The following APBB2 variants were observed in gnomAD, a reference collection of about 807,000 sequenced individuals.
The protein encoded by APBB2 is amyloid beta precursor protein binding family B member 2.
A neutral mutation model predicts 82.5 loss-of-function variants in APBB2; 38 were observed. The observed-to-expected ratio is 0.46, with a 90% CI of 0.36 to 0.60. APBB2 has a LOEUF of 0.60. Ranked by LOEUF, APBB2 falls within the 20% of genes least tolerant of loss-of-function variation. The probability of loss-of-function intolerance (pLI) is 0.00; values close to 1 mark genes in which losing one functional copy is unlikely to be tolerated. For missense variants in APBB2, 772 were observed against 972.3 expected (o/e 0.79, Z 2.74); for synonymous variants, 341 against 368.2 (o/e 0.93, Z 0.85).
intron 2 of APBB2, among the ~76,000 whole-genome samples, chr4:41,139,475 T>C (rs1373805175): frequency 6.6e-6 from 1 of 152,182 alleles, no homozygotes; most frequent in Non-Finnish European, 1.5e-5. Context: ...CAAATTAATG[T>C]TTCCAGCAGT....
chr4:41,197,735 C>T, intron 1 of APBB2, among the ~76,000 whole-genome samples: 2 of 152,160 alleles, frequency 1.3e-5, no homozygotes, highest in African/African-American at 2.4e-5. Flanking sequence ...TTTCCTGATA[C>T]TCCTAGGAGA....
chr4:41,150,880 C>T (rs1762100004), intron 1 of APBB2, among the ~76,000 whole-genome samples: 1 of 152,126 alleles, frequency 6.6e-6, no homozygotes, highest in Non-Finnish European at 1.5e-5. Flanking sequence ...AGCTGGGATA[C>T]AGACAACCAC....
intron 4 of APBB2, among the ~76,000 whole-genome samples, chr4:41,060,280 A>G (rs1033713615): frequency 1.3e-5 from 2 of 152,370 alleles, no homozygotes; most frequent in African/African-American, 4.8e-5. Context: ...ACTAAAGCTA[A>G]AGAGAACCAT....
chr4:40,965,373 A>G (rs1794428275), intron 6 of APBB2, among the ~76,000 whole-genome samples: 1 of 152,172 alleles, frequency 6.6e-6, no homozygotes, highest in African/African-American at 2.4e-5. Flanking sequence ...GTCACCAAAG[A>G]TACAGACATT....
At chr4:41,189,686 A>G (rs144266333) in intron 1 of APBB2, among the ~76,000 whole-genome samples, 1 of 152,348 alleles carries the variant, frequency 6.6e-6, no homozygotes, top group Non-Finnish European at 1.5e-5. Context: ...CTCCTGAGGA[A>G]GTCATTAGCT....
intron 1 of APBB2, among the ~76,000 whole-genome samples, chr4:41,172,788 C>T (rs1206141677): frequency 1.3e-5 from 2 of 152,196 alleles, no homozygotes; most frequent in Non-Finnish European, 2.9e-5. Context: ...TTTTTCTTTC[C>T]ACCTGATGGA....
At chr4:41,129,097 A>G (rs944400958) in intron 2 of APBB2, among the ~76,000 whole-genome samples, 2 of 151,610 alleles carry the variant, frequency 1.3e-5, no homozygotes, top group African/African-American at 2.4e-5. Context: ...TCCCACCACA[A>G]TCCTGGCCAT....
chr4:41,180,432 T>C (rs116569731), intron 1 of APBB2, among the ~76,000 whole-genome samples: 6,387 of 152,192 alleles, frequency 0.042, 149 homozygotes, highest in Middle Eastern at 0.058. Context: ...TAGCTAGACC[T>C]TGTTTCTGCA....
intron 6 of APBB2, among the ~76,000 whole-genome samples, chr4:40,990,701 G>C (rs902001189): frequency 2.6e-5 from 4 of 152,196 alleles, no homozygotes; most frequent in African/African-American, 9.6e-5. Context: ...CTGAGTCCAA[G>C]TGTGTCCATA....
At chr4:41,013,511 A>G (rs1319655636) in intron 6 of APBB2, 72 bp downstream of exon 6, 6 of 1,426,362 alleles carry the variant, frequency 4.2e-6, no homozygotes, top group Non-Finnish European at 5.8e-6. Context: ...GTCAGTCTAG[A>G]GATTTACTCC....
At position 40,825,975 on chromosome 4, in the gene APBB2, A is replaced by G. The variant is rs749086690; in HGVS notation, c.1733-5T>C. 6.2e-7 allele frequency: 1 copy of G among 1,611,838 alleles called. No individual in the cohort carries two copies. Among genetic ancestry groups the G allele is most frequent in the Non-Finnish European group, 8.5e-7 (1 of 1,177,924 alleles). ...TCTTTGGTGTTGGAAAATCTACTAC[A>G]GGGAACAAAAGCAACACATCTTTCT... is the stretch of plus-strand genomic sequence containing the variant. On this transcript the variant is annotated splice_region_variant and splice_polypyrimidine_tract_variant and intron_variant, in intron 14 of 17. Transcript: ENST00000508593.
chr4:40,951,912 A>C (rs1334845071), intron 6 of APBB2, among the ~76,000 whole-genome samples: 1 of 152,118 alleles, frequency 6.6e-6, no homozygotes, highest in Non-Finnish European at 1.5e-5. Flanking sequence ...TCATGGTTCA[A>C]AGCAAAAAGA....
chr4:40,915,437 C>T (rs572706752), intron 10 of APBB2, among the ~76,000 whole-genome samples: 14 of 152,174 alleles, frequency 9.2e-5, no homozygotes, highest in Admixed American at 2.6e-4. Context: ...AGCCCCGGAG[C>T]GCAGAGCCTG....
In APBB2 at chr4:41,072,292, CA is replaced by C. The variant is rs1201815288; in HGVS notation, c.-148-6620del. 3.3e-5 allele frequency among the ~76,000 whole-genome samples: 5 copies of C among 152,182 alleles called. 1 individual carries two copies. The East Asian group carries it at 7.7e-4, about 23-fold the overall frequency. On this transcript the variant is annotated intron_variant, in intron 3 of 17. Coordinates refer to ENST00000508593, the MANE Select transcript of APBB2 (RefSeq NM_004307.2). ...TGCCCATTAAAGGCCAGTGGCAAGA[CA>C]GCTGTTCTCAGAAGCTTCTGAGGCA... is the stretch of plus-strand genomic sequence containing the variant.
At chr4:41,122,994 G>A (rs1753318550) in intron 2 of APBB2, among the ~76,000 whole-genome samples, 1 of 151,996 alleles carries the variant, frequency 6.6e-6, no homozygotes, top group Non-Finnish European at 1.5e-5. Flanking sequence ...CCCTCCACCT[G>A]GAATGCCACC....
At chr4:40,886,216 C>G (rs755208106) in intron 12 of APBB2, among the ~76,000 whole-genome samples, 10 of 152,226 alleles carry the variant, frequency 6.6e-5, no homozygotes, top group Non-Finnish European at 1.3e-4. Flanking sequence ...CAGTGGCCCA[C>G]GCCTGTAATC....
At chr4:41,117,411 G>T (rs1446959611) in intron 2 of APBB2, among the ~76,000 whole-genome samples, 2 of 151,164 alleles carry the variant, frequency 1.3e-5, no homozygotes, top group Non-Finnish European at 2.9e-5. Flanking sequence ...TCCTGCCTCA[G>T]CCTCTCGAAT....
intron 12 of APBB2, among the ~76,000 whole-genome samples, chr4:40,887,662 C>T (rs1770709077): frequency 6.6e-6 from 1 of 152,152 alleles, no homozygotes; most frequent in Non-Finnish European, 1.5e-5. Context: ...CTTTCACTGG[C>T]AAACACACTT....
At chr4:40,967,850 C>A (rs886801969) in intron 6 of APBB2, among the ~76,000 whole-genome samples, 1 of 152,146 alleles carries the variant, frequency 6.6e-6, no homozygotes, top group Non-Finnish European at 1.5e-5. Context: ...GACATTTGTA[C>A]CCCTAGCACT....
Sources: gnomAD v4.1 joint callset for allele counts (sites outside exome capture counted in the v4.1 genomes callset) on GRCh38, gnomAD v4.1.1 for gene constraint, MANE v1.5 for transcripts, NCBI Gene and HGNC (gene_info 2026-07-23, HGNC 2026-07-21) for gene names.